SHANK2: variants seen among roughly 807,000 people sequenced by gnomAD.
The protein encoded by SHANK2 is SH3 and multiple ankyrin repeat domains protein 2.
In SHANK2, 43 loss-of-function variants were observed where a neutral mutation model predicts 133.7. That is an observed-to-expected ratio of 0.32 (90% CI 0.25 to 0.41). The LOEUF (loss-of-function observed/expected upper bound fraction) is 0.41. SHANK2 is among the 10% of genes least tolerant of loss of function. SHANK2 has a pLI of 1.00. For synonymous variants in SHANK2, 1,017 were observed against 952.8 expected (o/e 1.07, Z -1.24); for missense variants, 1,994 against 2,235.8 (o/e 0.89, Z 2.18).
intron 1 of SHANK2, among the ~76,000 whole-genome samples, chr11:71,242,465 G>C (rs1954907336): frequency 6.6e-6 from 1 of 152,146 alleles, no homozygotes; most frequent in African/African-American, 2.4e-5. Flanking sequence ...AACTCTTCCT[G>C]TATCACACAC....
intron 3 of SHANK2, among the ~76,000 whole-genome samples, chr11:71,141,003 C>T (rs1438904866): frequency 6.6e-6 from 1 of 152,244 alleles, no homozygotes; most frequent in East Asian, 1.9e-4. Context: ...GTGGCTCTGC[C>T]CCTCACTGGC....
rs939350697 is a variant in SHANK2, at chr11:70,814,523, C to G, written c.1493+5841G>C. ...CACTCCAGCAGTGTCCCTGGGCGGC[C>G]AAGGCCCCTTCTGCCCATTTCATCC... On this transcript the variant is annotated intron_variant, in intron 12 of 25. Coordinates refer to ENST00000601538, the MANE Select transcript of SHANK2 (RefSeq NM_012309.5). Among the ~76,000 whole-genome samples the G allele has an allele frequency of 2.6e-5, 4 of 152,282 alleles. No homozygotes were observed. In the East Asian group the frequency reaches 7.7e-4, roughly 29 times the overall value.
intron 2 of SHANK2, among the ~76,000 whole-genome samples, chr11:71,179,647 C>G (rs1233964942): frequency 6.6e-6 from 1 of 152,162 alleles, no homozygotes; most frequent in Non-Finnish European, 1.5e-5. Context: ...TAAAACCATC[C>G]TTGTTTGCAG....
At chr11:70,756,419 A>T (rs1555038932) in intron 14 of SHANK2, among the ~76,000 whole-genome samples, 2 of 152,118 alleles carry the variant, frequency 1.3e-5, no homozygotes, top group African/African-American at 2.4e-5. Context: ...CAGGAGGTGA[A>T]CCGGAGAAGA....
chr11:70,782,878 C>T (rs1555045509), intron 14 of SHANK2, among the ~76,000 whole-genome samples: 1 of 152,230 alleles, frequency 6.6e-6, no homozygotes, highest in Non-Finnish European at 1.5e-5. Flanking sequence ...CAGTAGTGAG[C>T]TGGTGACACG....
At chr11:70,932,530 A>G (rs1168454423) in intron 10 of SHANK2, among the ~76,000 whole-genome samples, 1 of 152,244 alleles carries the variant, frequency 6.6e-6, no homozygotes, top group Non-Finnish European at 1.5e-5. Context: ...CTCTGTTTAC[A>G]AAGATTAAAG....
At chr11:71,151,280 A>ATT (rs141317271) in intron 2 of SHANK2, among the ~76,000 whole-genome samples, 4 of 151,658 alleles carry the variant, frequency 2.6e-5, no homozygotes, top group African/African-American at 9.7e-5. Context: ...AGGAACCAAC[A>ATT]CTATGTCCAA....
chr11:71,058,600 C>G (rs1056292158), intron 9 of SHANK2, among the ~76,000 whole-genome samples: 1 of 152,208 alleles, frequency 6.6e-6, no homozygotes, highest in African/African-American at 2.4e-5. Context: ...GGCCTGACAC[C>G]GGGCTGGGGG....
intron 2 of SHANK2, among the ~76,000 whole-genome samples, chr11:71,223,232 T>C (rs1555121612): frequency 6.6e-6 from 1 of 152,202 alleles, no homozygotes; most frequent in Non-Finnish European, 1.5e-5. Flanking sequence ...TAGTCCTGCA[T>C]GGGGCCGTGA....
chr11:70,490,236 C>T (rs1555155398), intron 23 of SHANK2, 40 bp downstream of exon 23: 4 of 1,551,974 alleles, frequency 2.6e-6, no homozygotes, highest in Non-Finnish European at 1.8e-6. Flanking sequence ...TGTTTGAAAG[C>T]CCAGGGGCAA....
chr11:70,941,355 C>A (rs1005326812), intron 10 of SHANK2, among the ~76,000 whole-genome samples: 2 of 152,144 alleles, frequency 1.3e-5, no homozygotes, highest in African/African-American at 4.8e-5. Context: ...GACAGCAGGC[C>A]GTGTGTTGAA....
At chr11:70,831,542 A>G (rs1948725729) in intron 11 of SHANK2, among the ~76,000 whole-genome samples, 1 of 151,872 alleles carries the variant, frequency 6.6e-6, no homozygotes, top group Non-Finnish European at 1.5e-5. Flanking sequence ...GGCATCCCAC[A>G]GACTCACCCC....
chr11:71,158,596 T>A (rs1290890195), intron 2 of SHANK2, among the ~76,000 whole-genome samples: 1 of 152,224 alleles, frequency 6.6e-6, no homozygotes, highest in Non-Finnish European at 1.5e-5. Context: ...CTGATAGGAC[T>A]GTTGGTAGAA....
intron 2 of SHANK2, among the ~76,000 whole-genome samples, chr11:71,152,713 G>A (rs1386827477): frequency 6.6e-6 from 1 of 152,168 alleles, no homozygotes; most frequent in Non-Finnish European, 1.5e-5. Flanking sequence ...AGAAGCAGGT[G>A]AGCAGAGAGG....
intron 8 of SHANK2, among the ~76,000 whole-genome samples, chr11:71,086,455 T>C (rs1951418476): frequency 7.3e-6 from 1 of 137,078 alleles, no homozygotes; most frequent in African/African-American, 2.7e-5. Context: ...TATTATATTA[T>C]ATATAATTAT....
At chr11:71,117,714 C>A (rs782620209) in intron 4 of SHANK2, among the ~76,000 whole-genome samples, 2 of 152,218 alleles carry the variant, frequency 1.3e-5, no homozygotes, top group Non-Finnish European at 2.9e-5. Flanking sequence ...GTGGTGCACG[C>A]CCAACTCCAC....
rs1330075430 is a variant in SHANK2, at chr11:70,672,344, G to A, written c.1854-10666C>T. ...CTTCCAAAGTGCTGGGATTACAGGC[G>A]TGAGCCACCGCACCCAGCCTCCCCA... On this transcript the variant is annotated intron_variant, in intron 15 of 25. Coordinates refer to ENST00000601538, the MANE Select transcript of SHANK2 (RefSeq NM_012309.5). 2.8e-4 allele frequency among the ~76,000 whole-genome samples: 43 copies of A among 152,154 alleles called. 2 individuals carry two copies. The highest frequency in any genetic ancestry group is 2.6e-3 in the Admixed American group (40 of 15,286).
chr11:70,486,723 G>C lies in SHANK2; in HGVS notation c.3570C>G (p.Ser1190=). 2.5e-6 allele frequency: 4 copies of C among 1,610,422 alleles called. No individual in the cohort carries two copies. The highest frequency in any genetic ancestry group is 1.7e-6 in the Non-Finnish European group (2 of 1,179,952). Residue 1190 remains serine, a synonymous_variant, in exon 25 of 26, where the codon TCC becomes TCG. Coordinates refer to ENST00000601538, the MANE Select transcript of SHANK2 (RefSeq NM_012309.5). The surrounding 1 kb of genome is among the most constrained non-coding windows in gnomAD (Gnocchi z 8.0). ...CGGGGCCGGCTGTGCCGCTGCTCGC[G>C]GAGGGCACTGCTGGGCTGCTCTCGG... is the stretch of plus-strand genomic sequence containing the variant. The part of the protein sequence containing the change: ...QGPESSPAVP[S]ASSGTAGPGN...
intron 17 of SHANK2, among the ~76,000 whole-genome samples, chr11:70,617,844 C>T (rs1262526691): frequency 6.6e-6 from 1 of 151,170 alleles, no homozygotes; most frequent in African/African-American, 2.4e-5. Flanking sequence ...GTTGTGGGGT[C>T]GGGGGAGAGG....
Sources: gnomAD v4.1 joint callset for allele counts (sites outside exome capture counted in the v4.1 genomes callset) on GRCh38, gnomAD v4.1.1 for gene constraint, Gnocchi (gnomAD v3.1) non-coding constraint, MANE v1.5 for transcripts, NCBI Gene and HGNC (gene_info 2026-07-23, HGNC 2026-07-21) for gene names.